Variants in PLEKHM1 observed in about 807,000 individuals in gnomAD.
PLEKHM1 encodes the protein pleckstrin homology and RUN domain containing M1, also known as pleckstrin homology domain-containing family M member 1.
PLEKHM1 carries 28 observed loss-of-function variants against 94.3 expected under a neutral mutation model. The ratio of observed to expected loss-of-function variants is 0.30; its 90% CI spans 0.22 to 0.41. The LOEUF (loss-of-function observed/expected upper bound fraction) is 0.41. Among genes scored for constraint, PLEKHM1 ranks in the 10% least tolerant of loss-of-function variants. The probability of loss-of-function intolerance (pLI) is 1.00; values close to 1 mark genes in which losing one functional copy is unlikely to be tolerated. For synonymous variants in PLEKHM1, 424 were observed against 581.2 expected, an observed-to-expected ratio of 0.73 and a Z score of 3.89; for missense variants, 907 against 1,358.6, an observed-to-expected ratio of 0.67 and a Z score of 5.22.
In PLEKHM1 at chr17:45,479,688, A is replaced by AAAAAC. The variant is rs56104486; in HGVS notation, c.49-1546_49-1542dup. ...GTGGCAGAGTGAGACTCCATCTCAGAAAAACAAAACAAAACAAAACAAAAC... is the reference window on the plus strand; with the variant it reads ...GTGGCAGAGTGAGACTCCATCTCAGAAAAACAAAACAAAACAAAACAAAACAAAAC... On this transcript the variant is annotated intron_variant, in intron 2 of 11. Transcript: ENST00000430334. Among the ~76,000 whole-genome samples, 1,230 of 151,328 alleles carry AAAAAC rather than the reference A, an allele frequency of 8.1e-3. 21 individuals carry two copies. The highest frequency in any genetic ancestry group is 0.062 in the East Asian group (319 of 5,156).
chr17:45,481,407 A>C (rs2051946891), intron 2 of PLEKHM1, among the ~76,000 whole-genome samples: 1 of 151,228 alleles, frequency 6.6e-6, no homozygotes, highest in Non-Finnish European at 1.5e-5. Flanking sequence ...TAATCTTGAA[A>C]TAGTCTAATT....
chr17:45,450,594 T>C (rs1243676833), intron 8 of PLEKHM1, 24 bp downstream of exon 8: 2 of 1,613,436 alleles, frequency 1.2e-6, no homozygotes, highest in East Asian at 4.5e-5. Flanking sequence ...CCTCAGCAGC[T>C]GGGCTGCTGG....
rs528473796 is a variant in PLEKHM1 at position 45,445,589 on chromosome 17, C to T, written c.2718G>A (p.Ala906=). The part of the protein sequence containing the change: ...QPLINLQMVN[A]SLYEHVERMH... ...TCCGCTCCACATGCTCGTACAGAGA[C>T]GCGTTCACCATCTGCAGGTTGATGA... Residue 906 remains alanine (A), a synonymous_variant, in exon 9 of 12, where the codon GCG becomes GCA. Coordinates refer to ENST00000430334, the MANE Select transcript of PLEKHM1 (RefSeq NM_014798.3). This position sits in a 1 kb window ranked among gnomAD's most constrained non-coding sequence, Gnocchi z 4.2. The T allele has an allele frequency of 1.7e-5, 27 of 1,613,794 alleles. No individual in the cohort carries two copies. The highest frequency in any genetic ancestry group is 5.3e-5 in the African/African-American group (4 of 75,048).
chr17:45,468,363 T>A lies in PLEKHM1; in HGVS notation c.1154A>T (p.Asp385Val), dbSNP rs376947137. Residue 385 changes from aspartate to valine, a missense_variant, in exon 5 of 12, where the codon GAC (aspartate) becomes GTC (valine). Physicochemically the swap from Asp to Val is radical, Grantham distance 152. Transcript: ENST00000430334. The part of the protein sequence containing the change: ...EPRPQAPSPL[D>V]LQQPVESTSG... Reference sequence around the variant, plus strand: ...GGTGCTCTCTACAGGCTGCTGTAAGTCCAGGGGGCTGGGCGCCTGGGGACG... The same window carrying A: ...GGTGCTCTCTACAGGCTGCTGTAAGACCAGGGGGCTGGGCGCCTGGGGACG... 4 of 1,614,026 alleles carry A rather than the reference T, an allele frequency of 2.5e-6. No individual in the cohort carries two copies. The African/African-American group carries it at 4.0e-5, about 16-fold the overall frequency.
intron 5 of PLEKHM1, among the ~76,000 whole-genome samples, chr17:45,463,382 T>C (rs1322072460): frequency 2.6e-5 from 4 of 152,056 alleles, no homozygotes; most frequent in Non-Finnish European, 5.9e-5. Flanking sequence ...AACACCACTG[T>C]TTCTCTCTTC....
At chr17:45,439,191 C>A (rs998183349) in intron 11 of PLEKHM1, among the ~76,000 whole-genome samples, 2 of 152,222 alleles carry the variant, frequency 1.3e-5, no homozygotes, top group Non-Finnish European at 2.9e-5. Flanking sequence ...GGAGGCTCCA[C>A]TCAGAGAGCC....
chr17:45,441,607 G>A (rs895342181), intron 9 of PLEKHM1, among the ~76,000 whole-genome samples: 39 of 152,158 alleles, frequency 2.6e-4, no homozygotes, highest in Non-Finnish European at 4.9e-4. Context: ...GAAGCCCTGG[G>A]AGCCCCTGTG....
chr17:45,453,658 G>A lies in PLEKHM1; in HGVS notation c.2194C>T (p.Arg732Trp), dbSNP rs535213900. The A allele has an allele frequency of 9.3e-6, 15 of 1,612,628 alleles. No individual in the cohort carries two copies. The highest frequency in any genetic ancestry group is 3.3e-5 in the South Asian group (3 of 90,876). Residue 732 changes from arginine to tryptophan, a missense_variant, in exon 7 of 12, where the codon CGG (arginine) becomes TGG (tryptophan). Around this residue, in one of 3 missense-constraint regions of PLEKHM1, gnomAD observed 254 missense variants for 451.1 expected, o/e 0.56. Coordinates refer to ENST00000430334, the MANE Select transcript of PLEKHM1 (RefSeq NM_014798.3). This position sits in a 1 kb window ranked among gnomAD's most constrained non-coding sequence, Gnocchi z 4.1. ...LSDSHGVETI[R>W]DILPDTSLGG... is the part of the protein sequence containing the mutation. The stretch of plus-strand genomic sequence containing the variant: ...AGGCTGGTGTCTGGCAGGATGTCCC[G>A]GATGGTCTCCACGCCGTGGCTGTCA...
intron 2 of PLEKHM1, among the ~76,000 whole-genome samples, chr17:45,481,129 T>C (rs1404691555): frequency 1.3e-5 from 2 of 152,182 alleles, no homozygotes; most frequent in African/African-American, 4.8e-5. Context: ...AGTATCTCAC[T>C]GTGGTTTCGA....
chr17:45,482,612 C>T lies in PLEKHM1; in HGVS notation c.-41-87G>A, dbSNP rs1258396586. The T allele has an allele frequency of 4.0e-6, 3 of 757,382 alleles. No homozygotes were observed. In the African/African-American group the frequency reaches 5.3e-5, roughly 13 times the overall value. The allele number at this position is 757,382 out of a possible 1,614,324, so 46.9% of individuals were successfully genotyped here. A position where few individuals can be genotyped will look rare whatever the true frequency, so the allele number is the denominator to read the frequency against. The stretch of plus-strand genomic sequence containing the variant: ...TCCCAGCAAGCAGCAGGAGGTCAGC[C>T]TCTCTTACTCAAACTGCAACCAAAA... On this transcript the variant is annotated intron_variant, in intron 1 of 11. Transcript: ENST00000430334.
At chr17:45,442,160 C>T (rs1181631615) in intron 9 of PLEKHM1, among the ~76,000 whole-genome samples, 1 of 152,176 alleles carries the variant, frequency 6.6e-6, no homozygotes, top group Non-Finnish European at 1.5e-5. Flanking sequence ...TTCTCTGGCC[C>T]TTGGAGACAT....
intron 6 of PLEKHM1, 102 bp from the exon 7 acceptor site, chr17:45,454,374 T>G (rs974544514): frequency 9.1e-7 from 1 of 1,101,358 alleles, no homozygotes; most frequent in African/African-American, 1.5e-5. Flanking sequence ...ATGTGGCCAG[T>G]GACTGTCCCC....
At chr17:45,448,933 T>C (rs948210375) in intron 8 of PLEKHM1, among the ~76,000 whole-genome samples, 6 of 152,144 alleles carry the variant, frequency 3.9e-5, no homozygotes, top group African/African-American at 1.4e-4. Flanking sequence ...ATCCCAACTT[T>C]ATAAAAAATA....
At chr17:45,473,850 G>A (rs775789004) in intron 4 of PLEKHM1, among the ~76,000 whole-genome samples, 11 of 151,966 alleles carry the variant, frequency 7.2e-5, no homozygotes, top group Non-Finnish European at 7.4e-5. Flanking sequence ...GAGCCACTGC[G>A]CCCAGCTGAA....
chr17:45,440,107 T>C, intron 10 of PLEKHM1, 56 bp downstream of exon 10: 1 of 1,501,852 alleles, frequency 6.7e-7, no homozygotes, highest in African/African-American at 1.4e-5. Context: ...CTTGCTGACT[T>C]CTCTGGGAAT....
intron 8 of PLEKHM1, among the ~76,000 whole-genome samples, chr17:45,448,570 G>C (rs918302651): frequency 3.3e-5 from 5 of 152,246 alleles, no homozygotes; most frequent in Admixed American, 2.6e-4. Context: ...CACTAACCAA[G>C]TGAATTAGGT....
intron 7 of PLEKHM1, among the ~76,000 whole-genome samples, chr17:45,451,459 G>C (rs543567395): frequency 1.3e-5 from 2 of 152,324 alleles, no homozygotes; most frequent in Non-Finnish European, 2.9e-5. Flanking sequence ...ACTCCTCCAA[G>C]GGCAGGCAGA....
intron 3 of PLEKHM1, among the ~76,000 whole-genome samples, chr17:45,476,444 G>C (rs183675357): frequency 6.6e-6 from 1 of 151,976 alleles, no homozygotes; most frequent in Non-Finnish European, 1.5e-5. Context: ...ATTGGGGAGC[G>C]CTCCAATTAC....
In PLEKHM1 at chr17:45,475,746, G is replaced by C; in HGVS notation, c.297-20C>G. The C allele has an allele frequency of 6.3e-7, 1 of 1,580,142 alleles. No homozygotes were observed. Among genetic ancestry groups the C allele is most frequent in the Non-Finnish European group, 8.6e-7 (1 of 1,162,516 alleles). The stretch of plus-strand genomic sequence containing the variant: ...ATGTGTCTGGGAAGGGAGAACAGAC[G>C]TGTTTCAAGAAACTACCCCAAATCA... On this transcript the variant is annotated intron_variant, in intron 3 of 11. Transcript: ENST00000430334.
Sources: allele counts gnomAD v4.1 joint callset (sites outside exome capture counted in the v4.1 genomes callset), GRCh38; gene constraint gnomAD v4.1.1; regional missense constraint gnomAD v4.1.1; non-coding constraint Gnocchi (gnomAD v3.1); transcripts MANE v1.5; gene names NCBI Gene and HGNC (gene_info 2026-07-23, HGNC 2026-07-21).